CNOT6L: variants seen among roughly 807,000 people sequenced by gnomAD.
CNOT6L encodes the protein CCR4-NOT transcription complex subunit 6 like, also known as CCR4-NOT transcription complex subunit 6-like.
CNOT6L carries 7 observed loss-of-function variants against 64.0 expected under a neutral mutation model. That is an observed-to-expected ratio of 0.11 (90% CI 0.06 to 0.21). CNOT6L has a LOEUF of 0.21. Among genes scored for constraint, CNOT6L ranks in the 10% least tolerant of loss-of-function variants. CNOT6L has a pLI of 1.00. For missense variants in CNOT6L, 245 were observed against 669.0 expected (o/e 0.37, Z 6.99); for synonymous variants, 193 against 243.4 (o/e 0.79, Z 1.93).
chr4:77,761,463 A>G (rs1726219743), intron 4 of CNOT6L, among the ~76,000 whole-genome samples: 1 of 152,252 alleles, frequency 6.6e-6, no homozygotes, highest in African/African-American at 2.4e-5. Flanking sequence ...AAATGCTACC[A>G]ATCATTTAAG....
At chr4:77,758,627 G>GCTAGAA (rs1260196359) in intron 4 of CNOT6L, among the ~76,000 whole-genome samples, 2 of 152,150 alleles carry the variant, frequency 1.3e-5, no homozygotes, top group East Asian at 1.9e-4. Context: ...GAAGTCCACA[G>GCTAGAA]CTAGAACTAG....
rs185065688 is a variant in CNOT6L at position 77,748,374 on chromosome 4, C to T, written c.501G>A (p.Glu167=). 5.9e-4 allele frequency: 944 copies of T among 1,611,686 alleles called. 1 individual carries two copies. The highest frequency in any genetic ancestry group is 7.3e-4 in the Non-Finnish European group (857 of 1,178,344). ...TAATCCATGGCCTCGGAGGAAGCTG[C>T]TCTGGATGAACTGAAAAAAATTTTG... ...FMLDNLAVHP[E]QLPPRPWITL... The change falls in exon 6 of 12, where the codon GAG becomes GAA. Residue 167 remains glutamate, a synonymous_variant. Coordinates refer to ENST00000504123, the MANE Select transcript of CNOT6L (RefSeq NM_144571.3).
intron 1 of CNOT6L, chr4:77,819,076 C>CACACA: frequency 3.5e-6 from 1 of 282,482 alleles, no homozygotes. Flanking sequence ...ACACACACAC[C>CACACA]CCGGAACCTT....
At chr4:77,756,756 AC>A (rs1449084908) in intron 5 of CNOT6L, 105 bp downstream of exon 5, 1 of 633,644 alleles carries the variant, frequency 1.6e-6, no homozygotes, top group African/African-American at 1.8e-5. Flanking sequence ...GGAACTCCAA[AC>A]CCATAGGCAA....
chr4:77,776,204 A>T (rs1728124711), intron 2 of CNOT6L, 67 bp downstream of exon 2: 1 of 1,499,052 alleles, frequency 6.7e-7, no homozygotes, highest in Non-Finnish European at 9.1e-7. Flanking sequence ...AACAAAAAAT[A>T]TAGCAATACT....
At position 77,810,991 on chromosome 4, in the gene CNOT6L, C is replaced by T. The variant is rs146651522; in HGVS notation, c.5+8313G>A. Reference sequence around the variant, plus strand: ...GACAGGATTCCATTCTTTTTGAAGACGGATTTCATTCTTTATGGCTGAAGT... The same window carrying T: ...GACAGGATTCCATTCTTTTTGAAGATGGATTTCATTCTTTATGGCTGAAGT... On this transcript the variant is annotated intron_variant, in intron 1 of 11. Coordinates refer to ENST00000504123, the MANE Select transcript of CNOT6L (RefSeq NM_144571.3). 9.9e-5 allele frequency among the ~76,000 whole-genome samples: 15 copies of T among 152,254 alleles called. No individual in the cohort carries two copies. The East Asian group carries it at 2.7e-3, about 27-fold the overall frequency.
intron 1 of CNOT6L, chr4:77,818,985 G>C (rs1397089192): frequency 1.2e-5 from 8 of 666,660 alleles, no homozygotes; most frequent in East Asian, 2.9e-5. Context: ...TGCGAGGCTC[G>C]GGAGCCGCAG....
intron 1 of CNOT6L, among the ~76,000 whole-genome samples, chr4:77,786,893 A>C (rs1165415573): frequency 6.6e-6 from 1 of 152,256 alleles, no homozygotes; most frequent in African/African-American, 2.4e-5. Flanking sequence ...AGAAAGCTTC[A>C]AAAATCTGCT....
chr4:77,730,312 G>A (rs555958886), intron 9 of CNOT6L, among the ~76,000 whole-genome samples: 1 of 152,012 alleles, frequency 6.6e-6, no homozygotes, highest in South Asian at 2.1e-4. Context: ...TCTTTTCCCA[G>A]TTTTACAGTG....
intron 3 of CNOT6L, among the ~76,000 whole-genome samples, chr4:77,773,638 C>T (rs981736940): frequency 6.6e-6 from 1 of 151,798 alleles, no homozygotes; most frequent in Non-Finnish European, 1.5e-5. Flanking sequence ...GAATACTACT[C>T]TAATCACATC....
intron 4 of CNOT6L, among the ~76,000 whole-genome samples, chr4:77,772,088 T>G (rs1050779928): frequency 6.6e-6 from 1 of 152,238 alleles, no homozygotes; most frequent in African/African-American, 2.4e-5. Context: ...ACACGTTACC[T>G]AGAATAATTT....
chr4:77,805,681 A>G (rs1038348342), intron 1 of CNOT6L, among the ~76,000 whole-genome samples: 3 of 152,242 alleles, frequency 2.0e-5, no homozygotes, highest in Non-Finnish European at 4.4e-5. Context: ...TTACTATATC[A>G]TATTTTGGCA....
At chr4:77,798,323 A>C (rs897616015) in intron 1 of CNOT6L, among the ~76,000 whole-genome samples, 3 of 152,282 alleles carry the variant, frequency 2.0e-5, no homozygotes, top group African/African-American at 7.2e-5. Flanking sequence ...CAAATAAATA[A>C]TTTTTTTAAA....
chr4:77,817,732 T>C (rs1300375796), intron 1 of CNOT6L, among the ~76,000 whole-genome samples: 1 of 152,208 alleles, frequency 6.6e-6, no homozygotes, highest in Non-Finnish European at 1.5e-5. Context: ...TCGCCCCTCC[T>C]TCTCTTCCCT....
In CNOT6L at chr4:77,720,204, A is replaced by C; in HGVS notation, c.*227T>G. The C allele has an allele frequency of 2.2e-6, 1 of 445,774 alleles. No homozygotes were observed. Among genetic ancestry groups the C allele is most frequent in the Non-Finnish European group, 4.0e-6 (1 of 249,258 alleles). 27.6% of individuals were successfully genotyped at this position (445,774 alleles called of 1,614,324 possible). A position where few individuals can be genotyped will look rare whatever the true frequency, so the allele number is the denominator to read the frequency against. On this transcript the variant is annotated 3_prime_UTR_variant, in exon 12 of 12. Coordinates refer to ENST00000504123, the MANE Select transcript of CNOT6L (RefSeq NM_144571.3). ...ACAATATAAAGAAGGTCCAATTTAA[A>C]AACATGTTAAATTAAAATTTTGTAA... is the stretch of plus-strand genomic sequence containing the variant.
rs904640941 is a variant in CNOT6L at position 77,818,772 on chromosome 4, C to G, written c.5+532G>C. 5.9e-5 allele frequency among the ~76,000 whole-genome samples: 9 copies of G among 152,082 alleles called. No homozygotes were observed. In the East Asian group the frequency reaches 1.8e-3, roughly 30 times the overall value. ...CCGTGGGCTCGCGCGGGCTCGCCGT[C>G]CCGGGAGGCGTCCGGGGAGGTGGGC... On this transcript the variant is annotated intron_variant, in intron 1 of 11. Transcript: ENST00000504123.
chr4:77,747,223 C>A (rs1451569082), intron 6 of CNOT6L, among the ~76,000 whole-genome samples: 3 of 152,116 alleles, frequency 2.0e-5, no homozygotes, highest in Non-Finnish European at 4.4e-5. Flanking sequence ...AGTGCAATGG[C>A]AAAATCTTGG....
At chr4:77,753,901 TAA>T (rs35875677) in intron 5 of CNOT6L, among the ~76,000 whole-genome samples, 34,826 of 138,528 alleles carry the variant, frequency 0.25, 4,866 homozygotes, top group East Asian at 0.48. Flanking sequence ...CTACTCATGT[TAA>T]AAAAAAAAAA....
At chr4:77,751,096 A>G (rs932417713) in intron 5 of CNOT6L, among the ~76,000 whole-genome samples, 3 of 152,226 alleles carry the variant, frequency 2.0e-5, no homozygotes, top group Non-Finnish European at 2.9e-5. Flanking sequence ...ATGTTGAAAT[A>G]TCTGACAGAT....
Sources: gnomAD v4.1 joint callset for allele counts (sites outside exome capture counted in the v4.1 genomes callset) on GRCh38, gnomAD v4.1.1 for gene constraint, MANE v1.5 for transcripts, NCBI Gene and HGNC (gene_info 2026-07-23, HGNC 2026-07-21) for gene names.